Variants in CERT1 observed in about 807,000 individuals in gnomAD.
CERT1 encodes ceramide transporter 1, also known as ceramide transfer protein.
CERT1 carries 31 observed loss-of-function variants against 87.9 expected under a neutral mutation model. The observed-to-expected ratio is 0.35, with a 90% CI of 0.27 to 0.48. The LOEUF is 0.48. CERT1 is among the 20% of genes least tolerant of loss of function. The pLI is 0.99. For missense variants in CERT1, 487 were observed against 758.0 expected (o/e 0.64, Z 4.20); for synonymous variants, 289 against 250.9 (o/e 1.15, Z -1.44).
chr5:75,417,178 T>TCTC, intron 6 of CERT1, 145 bp from the exon 7 acceptor site: 1 of 615,108 alleles, frequency 1.6e-6, no homozygotes, highest in South Asian at 2.2e-5. Flanking sequence ...CATTTAAAAA[T>TCTC]CTCCTATCCA....
At chr5:75,402,950 G>C in intron 9 of CERT1, 22 bp downstream of exon 9, 1 of 1,474,512 alleles carries the variant, frequency 6.8e-7, no homozygotes, top group Middle Eastern at 1.7e-4. Context: ...TTTCAGCTTA[G>C]AATTTTCAAT....
chr5:75,479,854 G>A (rs1160942717), intron 2 of CERT1, among the ~76,000 whole-genome samples: 1 of 152,108 alleles, frequency 6.6e-6, no homozygotes, highest in African/African-American at 2.4e-5. Context: ...TTAGCTCTGT[G>A]AGGAATCGCC....
intron 3 of CERT1, among the ~76,000 whole-genome samples, chr5:75,447,769 C>T (rs895998466): frequency 2.6e-5 from 4 of 151,862 alleles, no homozygotes; most frequent in Non-Finnish European, 5.9e-5. Flanking sequence ...CCACCACACC[C>T]GGCCTCCTTT....
At chr5:75,410,280 G>A (rs958697828) in intron 8 of CERT1, among the ~76,000 whole-genome samples, 1 of 152,096 alleles carries the variant, frequency 6.6e-6, no homozygotes, top group African/African-American at 2.4e-5. Flanking sequence ...TTCAAACAAA[G>A]ACAATTAGAA....
intron 2 of CERT1, among the ~76,000 whole-genome samples, chr5:75,488,118 T>A (rs1254966388): frequency 2.4e-4 from 37 of 151,956 alleles, no homozygotes; most frequent in Admixed American, 2.4e-3. Context: ...TAGATAGAAT[T>A]AATAAGAATC....
chr5:75,449,499 C>A (rs1486578340), intron 3 of CERT1, among the ~76,000 whole-genome samples: 1 of 152,164 alleles, frequency 6.6e-6, no homozygotes, highest in Non-Finnish European at 1.5e-5. Flanking sequence ...ATAATCTAAA[C>A]AGCTTAATTA....
At position 75,465,936 on chromosome 5, in the gene CERT1, G is replaced by A. The variant is rs1765436133; in HGVS notation, c.232-6755C>T. Reference sequence around the variant, plus strand: ...TATGCTAACTAAGGGGAGTTAACAAGATAGGAGATTGTAGGATAGAGGAAG... The same window carrying A: ...TATGCTAACTAAGGGGAGTTAACAAAATAGGAGATTGTAGGATAGAGGAAG... On this transcript the variant is annotated intron_variant, in intron 2 of 16. Transcript: ENST00000643780. 2.0e-5 allele frequency among the ~76,000 whole-genome samples: 3 copies of A among 152,338 alleles called. No individual in the cohort carries two copies. In the South Asian group the frequency reaches 6.2e-4, roughly 32 times the overall value.
At chr5:75,478,948 C>T (rs987744798) in intron 2 of CERT1, among the ~76,000 whole-genome samples, 11 of 132,890 alleles carry the variant, frequency 8.3e-5, no homozygotes, top group African/African-American at 3.2e-4. Context: ...AAGCCACACG[C>T]GTTTGTCAAA....
intron 7 of CERT1, among the ~76,000 whole-genome samples, chr5:75,412,557 A>G (rs1192111298): frequency 6.6e-6 from 1 of 152,226 alleles, no homozygotes; most frequent in Non-Finnish European, 1.5e-5. Context: ...TAATTCTTGT[A>G]TAAACATCAT....
intron 6 of CERT1, among the ~76,000 whole-genome samples, chr5:75,417,665 G>C (rs1261690339): frequency 3.3e-5 from 5 of 152,036 alleles, no homozygotes; most frequent in Admixed American, 1.3e-4. Flanking sequence ...CTTTAAAAAC[G>C]ATTAGAGATA....
rs1580688365 is a variant in CERT1, at chr5:75,379,152, A to T, written c.*194T>A. ...AGCCGTGATGGTGTCATTGCACTTC[A>T]GCTTAGGAAACAGAGCAAGACCCTG... On this transcript the variant is annotated 3_prime_UTR_variant, in exon 17 of 17. Coordinates refer to ENST00000643780, the MANE Select transcript of CERT1 (RefSeq NM_001379029.1). 1.9e-6 allele frequency: 1 copy of T among 528,322 alleles called. No homozygotes were observed. The highest frequency in any genetic ancestry group is 3.2e-5 in the East Asian group (1 of 31,572). The allele number at this position is 528,322 out of a possible 1,614,324, so 32.7% of individuals were successfully genotyped here.
intron 3 of CERT1, among the ~76,000 whole-genome samples, chr5:75,430,377 G>A (rs1308893353): frequency 1.3e-5 from 2 of 152,050 alleles, no homozygotes; most frequent in African/African-American, 4.8e-5. Flanking sequence ...TAGTGATGAA[G>A]GAATATAAAC....
intron 2 of CERT1, among the ~76,000 whole-genome samples, chr5:75,492,772 A>T (rs1766858722): frequency 6.6e-6 from 1 of 152,220 alleles, no homozygotes; most frequent in South Asian, 2.1e-4. Context: ...CAACGTCCAG[A>T]GAGCAAGCAG....
intron 12 of CERT1, among the ~76,000 whole-genome samples, chr5:75,389,244 C>T (rs1485770243): frequency 6.6e-6 from 1 of 152,094 alleles, no homozygotes; most frequent in Non-Finnish European, 1.5e-5. Context: ...GCACAACATT[C>T]AGTATGTTAA....
chr5:75,433,416 G>A (rs781757814), intron 3 of CERT1, among the ~76,000 whole-genome samples: 1 of 152,158 alleles, frequency 6.6e-6, no homozygotes, highest in Non-Finnish European at 1.5e-5. Context: ...ACACTTACCT[G>A]GTTAGCTGTA....
intron 3 of CERT1, among the ~76,000 whole-genome samples, chr5:75,446,165 T>C (rs751173043): frequency 1.3e-5 from 2 of 152,208 alleles, no homozygotes; most frequent in Non-Finnish European, 2.9e-5. Flanking sequence ...ATGTGTCCCA[T>C]AGTTCTCTTA....
chr5:75,474,235 C>T (rs1003113322), intron 2 of CERT1, among the ~76,000 whole-genome samples: 1 of 152,128 alleles, frequency 6.6e-6, no homozygotes, highest in Non-Finnish European at 1.5e-5. Context: ...AAATCAATCA[C>T]GACCCTTTCA....
intron 11 of CERT1, among the ~76,000 whole-genome samples, chr5:75,392,826 CG>C (rs1467001602): frequency 6.6e-6 from 1 of 151,020 alleles, no homozygotes; most frequent in Non-Finnish European, 1.5e-5. Context: ...AAAAATTGGC[CG>C]GGCGTGGTGG....
rs563289131 is a variant in CERT1 at position 75,451,385 on chromosome 5, G to C, written c.348+7680C>G. Among the ~76,000 whole-genome samples, 33 of 152,208 alleles carry C rather than the reference G, an allele frequency of 2.2e-4. No individual in the cohort carries two copies. The South Asian group carries it at 2.7e-3, about 12-fold the overall frequency. The stretch of plus-strand genomic sequence containing the variant: ...AATGGCAGAGCCCCGACTACTGTAA[G>C]AACTATTTATGCGTCCTTCCCTCAA... On this transcript the variant is annotated intron_variant, in intron 3 of 16. Transcript: ENST00000643780.
Sources: allele counts gnomAD v4.1 joint callset (sites outside exome capture counted in the v4.1 genomes callset), GRCh38; gene constraint gnomAD v4.1.1; transcripts MANE v1.5; gene names NCBI Gene and HGNC (gene_info 2026-07-23, HGNC 2026-07-21).